Variants in FAM163A observed in about 807,000 individuals in gnomAD.
FAM163A encodes protein FAM163A.
Under a neutral mutation model 12.0 loss-of-function variants are expected in FAM163A, and 7 were observed. The observed-to-expected ratio is 0.58, with a 90% CI of 0.33 to 1.10. The LOEUF (loss-of-function observed/expected upper bound fraction) is 1.10. Among genes scored for constraint, FAM163A ranks in the 50% least tolerant of loss-of-function variants. FAM163A has a pLI of 0.03. For missense variants in FAM163A, 202 were observed against 218.6 expected (o/e 0.92, Z 0.48); for synonymous variants, 101 against 91.0 (o/e 1.11, Z -0.62).
intron 1 of FAM163A, among the ~76,000 whole-genome samples, chr1:179,751,391 G>A (rs763973311): frequency 5.8e-4 from 88 of 152,108 alleles, no homozygotes; most frequent in Admixed American, 1.3e-3. Context: ...TCCTGAAGAC[G>A]AAAAGAGAAA....
rs1694781620 is a variant in FAM163A, at chr1:179,812,108, AGGTCG to A, written c.-44-1_-41del. 2.0e-5 allele frequency: 3 copies of A among 152,606 alleles called. No homozygotes were observed. The highest frequency in any genetic ancestry group is 7.2e-5 in the African/African-American group (3 of 41,422). 9.5% of individuals were successfully genotyped at this position (152,606 alleles called of 1,614,324 possible). A position where few individuals can be genotyped will look rare whatever the true frequency, so the allele number is the denominator to read the frequency against. On this transcript the variant is annotated splice_acceptor_variant and 5_prime_UTR_variant, in exon 3 of 5. Transcript: ENST00000341785. LOFTEE classifies it low-confidence loss of function (5UTR_SPLICE). ...ATCTCTGTCCTTTCTGTTGTCTTGC[AGGTCG>A]CCGTTCCCTTTACTGAATGTAAGTG...
chr1:179,805,816 G>A (rs774745388), intron 1 of FAM163A, among the ~76,000 whole-genome samples: 14 of 152,168 alleles, frequency 9.2e-5, no homozygotes, highest in African/African-American at 1.4e-4. Flanking sequence ...CCTGCTTTTG[G>A]AAATGTTTTT....
intron 1 of FAM163A, among the ~76,000 whole-genome samples, chr1:179,807,492 C>T (rs924848547): frequency 6.6e-6 from 1 of 152,190 alleles, no homozygotes; most frequent in South Asian, 2.1e-4. Flanking sequence ...AGCGCCCTGC[C>T]CCACTCGCCG....
intron 1 of FAM163A, among the ~76,000 whole-genome samples, chr1:179,784,585 C>G (rs933628461): frequency 9.2e-5 from 14 of 152,172 alleles, no homozygotes; most frequent in African/African-American, 3.4e-4. Context: ...TATACATACA[C>G]AACAGACCCA....
rs116756246 is a variant in FAM163A at position 179,815,188 on chromosome 1, A to G, written c.*999A>G. ...TAGGCACCAGGGGCTTTGTACATTC[A>G]GGAGCTGCAGAGAGGAAAGGTCTCC... On this transcript the variant is annotated 3_prime_UTR_variant, in exon 5 of 5. Coordinates refer to ENST00000341785, the MANE Select transcript of FAM163A (RefSeq NM_173509.3). 789 of 153,176 alleles carry G rather than the reference A, an allele frequency of 5.2e-3. 6 individuals carry two copies. The highest frequency in any genetic ancestry group is 0.018 in the African/African-American group (758 of 41,484). 9.5% of individuals were successfully genotyped at this position (153,176 alleles called of 1,614,324 possible). A position where few individuals can be genotyped will look rare whatever the true frequency, so the allele number is the denominator to read the frequency against.
At chr1:179,805,316 G>C (rs1693777984) in intron 1 of FAM163A, among the ~76,000 whole-genome samples, 1 of 152,120 alleles carries the variant, frequency 6.6e-6, no homozygotes, top group Non-Finnish European at 1.5e-5. Flanking sequence ...TCAGGAGTTT[G>C]AGACCAGCCT....
chr1:179,790,440 AC>A (rs1330489705), intron 1 of FAM163A, among the ~76,000 whole-genome samples: 3 of 152,108 alleles, frequency 2.0e-5, no homozygotes, highest in Non-Finnish European at 4.4e-5. Flanking sequence ...CAGTATTTCA[AC>A]CCAGGTCTGG....
the FAM163A span, among the ~76,000 whole-genome samples, chr1:179,728,150 A>G: frequency 6.6e-6 from 1 of 152,120 alleles, no homozygotes; most frequent in African/African-American, 2.4e-5. Flanking sequence ...GCACATCCCT[A>G]TTCTTAATAT....
chr1:179,810,895 T>C (rs1331828502), intron 2 of FAM163A, among the ~76,000 whole-genome samples: 1 of 151,834 alleles, frequency 6.6e-6, no homozygotes, highest in African/African-American at 2.4e-5. Context: ...ATACAAAAAT[T>C]AGCCCGGTGT....
At chr1:179,791,466 G>T (rs1691492530) in intron 1 of FAM163A, among the ~76,000 whole-genome samples, 2 of 152,158 alleles carry the variant, frequency 1.3e-5, no homozygotes, top group South Asian at 4.1e-4. Context: ...TGGGGACAGG[G>T]GATGGAACCT....
the FAM163A span, among the ~76,000 whole-genome samples, chr1:179,731,994 T>C: frequency 1.3e-5 from 2 of 152,146 alleles, no homozygotes; most frequent in Non-Finnish European, 2.9e-5. Flanking sequence ...TAATCCCAGG[T>C]CTCATAAACC....
chr1:179,749,703 C>CA (rs11410227), intron 1 of FAM163A, among the ~76,000 whole-genome samples: 129,547 of 151,854 alleles, frequency 0.85, 55,797 homozygotes, highest in East Asian at 1. Context: ...ACTAAATATA[C>CA]AAAAAATTAG....
chr1:179,771,190 C>T (rs1688229910), intron 1 of FAM163A, among the ~76,000 whole-genome samples: 1 of 152,144 alleles, frequency 6.6e-6, no homozygotes, highest in African/African-American at 2.4e-5. Context: ...AAGGGAGCTG[C>T]CCAGCCGTCC....
At chr1:179,763,000 C>T (rs957945590) in intron 1 of FAM163A, among the ~76,000 whole-genome samples, 5 of 152,132 alleles carry the variant, frequency 3.3e-5, no homozygotes, top group African/African-American at 1.2e-4. Flanking sequence ...TACTTCATCT[C>T]TACATGGGAG....
At chr1:179,747,679 G>A (rs1246162929) in intron 1 of FAM163A, among the ~76,000 whole-genome samples, 2 of 152,150 alleles carry the variant, frequency 1.3e-5, no homozygotes, top group East Asian at 1.9e-4. Flanking sequence ...CATTCTCTAC[G>A]CAGTAAGCTG....
upstream of FAM163A, among the ~76,000 whole-genome samples, chr1:179,739,409 G>A (rs1262131800): frequency 6.6e-6 from 1 of 152,210 alleles, no homozygotes; most frequent in Non-Finnish European, 1.5e-5. Context: ...ATCTGAAAAA[G>A]GACCAGGATC....
Position 179,814,064 on chromosome 1 carries a change from A to T in FAM163A, c.379A>T (p.Thr127Ser). 6.2e-7 allele frequency: 1 copy of T among 1,614,050 alleles called. No individual in the cohort carries two copies. Residue 127 changes from threonine to serine, a missense_variant, in exon 5 of 5, where the codon ACA becomes TCA. By Grantham distance (58) the Thr-to-Ser change is moderately conservative. Coordinates refer to ENST00000341785, the MANE Select transcript of FAM163A (RefSeq NM_173509.3). ...AGGCGAGAGGCTCTCCTTTGCTCCCACATACTACAAAGAGGGGGGACCCCC... is the reference window on the plus strand; with the variant it reads ...AGGCGAGAGGCTCTCCTTTGCTCCCTCATACTACAAAGAGGGGGGACCCCC... ...GGGERLSFAP[T>S]YYKEGGPPSL...
intron 1 of FAM163A, among the ~76,000 whole-genome samples, chr1:179,785,168 A>AC (rs1004289904): frequency 2.0e-5 from 3 of 151,248 alleles, no homozygotes; most frequent in Non-Finnish European, 2.9e-5. Flanking sequence ...CACAACTCCC[A>AC]CCCCCCATTC....
chr1:179,768,448 G>T (rs895315586), intron 1 of FAM163A, among the ~76,000 whole-genome samples: 7 of 152,128 alleles, frequency 4.6e-5, no homozygotes, highest in African/African-American at 1.7e-4. Context: ...GCATTTAGGG[G>T]CTCTGGTCTA....
Sources: gnomAD v4.1 joint callset for allele counts (sites outside exome capture counted in the v4.1 genomes callset) on GRCh38, gnomAD v4.1.1 for gene constraint, MANE v1.5 for transcripts, NCBI Gene and HGNC (gene_info 2026-07-23, HGNC 2026-07-21) for gene names.